Variants in THSD4 observed in about 807,000 individuals in gnomAD.
THSD4 encodes thrombospondin type 1 domain containing 4.
THSD4 carries 69 observed loss-of-function variants against 119.0 expected under a neutral mutation model. The observed-to-expected ratio is 0.58, with a 90% CI of 0.48 to 0.71. The LOEUF is 0.71. Ranked by LOEUF, THSD4 falls within the 30% of genes least tolerant of loss-of-function variation. The pLI is 0.00. For missense variants in THSD4, 1,393 were observed against 1,391.1 expected (o/e 1.00, Z -0.02); for synonymous variants, 524 against 540.4 (o/e 0.97, Z 0.42).
intron 7 of THSD4, among the ~76,000 whole-genome samples, chr15:71,574,731 T>C (rs2140904893): frequency 6.6e-6 from 1 of 152,174 alleles, no homozygotes; most frequent in African/African-American, 2.4e-5. Flanking sequence ...AAACATGAGG[T>C]CTTATATCTC....
chr15:71,501,179 GA>G (rs1193628849), intron 7 of THSD4, among the ~76,000 whole-genome samples: 1 of 151,866 alleles, frequency 6.6e-6, no homozygotes, highest in East Asian at 1.9e-4. Flanking sequence ...TGATGAGTGT[GA>G]AAAAAAATCC....
chr15:71,699,987 A>G (rs1309043484), intron 8 of THSD4, among the ~76,000 whole-genome samples: 3 of 152,226 alleles, frequency 2.0e-5, no homozygotes, highest in African/African-American at 7.2e-5. Context: ...AGGAAAGTCT[A>G]CTGGAATTCA....
intron 3 of THSD4, among the ~76,000 whole-genome samples, chr15:71,207,260 G>A (rs977715944): frequency 1.8e-4 from 27 of 152,166 alleles, no homozygotes; most frequent in Non-Finnish European, 5.9e-5. Context: ...TCTCCTGTGA[G>A]CCTCTGATTC....
Position 71,744,999 on chromosome 15 carries a change from T to C in THSD4, c.1907-107T>C. 2.8e-6 allele frequency: 4 copies of C among 1,437,068 alleles called. No individual in the cohort carries two copies. In the East Asian group the frequency reaches 9.3e-5, roughly 34 times the overall value. The allele number at this position is 1,437,068 out of a possible 1,614,324, so 89.0% of individuals were successfully genotyped here. A position where few individuals can be genotyped will look rare whatever the true frequency, so the allele number is the denominator to read the frequency against. ...ATGCATGTGTGAATTGTCCTCACTG[T>C]TTCTGTGCCCTCTCTTCATCAGCAC... On this transcript the variant is annotated intron_variant, in intron 11 of 17. Transcript: ENST00000261862.
At chr15:71,539,747 G>A (rs371284224) in intron 7 of THSD4, among the ~76,000 whole-genome samples, 9 of 152,178 alleles carry the variant, frequency 5.9e-5, no homozygotes, top group East Asian at 5.8e-4. Flanking sequence ...AAGACCTCCC[G>A]TCATAAGCAG....
At chr15:71,326,978 A>G (rs113490328) in intron 6 of THSD4, among the ~76,000 whole-genome samples, 8,015 of 151,058 alleles carry the variant, frequency 0.053, 216 homozygotes, top group Non-Finnish European at 0.063. Flanking sequence ...GACTAGCCTG[A>G]CCAACATGGT....
chr15:71,307,060 T>G (rs1175582653), intron 6 of THSD4, among the ~76,000 whole-genome samples: 1 of 152,186 alleles, frequency 6.6e-6, no homozygotes, highest in African/African-American at 2.4e-5. Context: ...GGGAAAACAC[T>G]TTCCTTCCAG....
At chr15:71,390,849 CTTTTTTTTTTT>C (rs1010882999) in intron 6 of THSD4, among the ~76,000 whole-genome samples, 2 of 90,880 alleles carry the variant, frequency 2.2e-5, no homozygotes, top group Admixed American at 1.4e-4. Flanking sequence ...TTGGCTAAAT[CTTTTTTTTTTT>C]TTTTTTTTTT....
chr15:71,569,595 C>G (rs1377077847), intron 7 of THSD4, among the ~76,000 whole-genome samples: 9 of 152,312 alleles, frequency 5.9e-5, no homozygotes, highest in African/African-American at 1.9e-4. Flanking sequence ...GGTGTCTAAA[C>G]TCCGTGCCTT....
At chr15:71,734,312 G>C (rs1179332990) in intron 10 of THSD4, among the ~76,000 whole-genome samples, 1 of 152,126 alleles carries the variant, frequency 6.6e-6, no homozygotes, top group Non-Finnish European at 1.5e-5. Flanking sequence ...ATATTATTTA[G>C]GGCTAGAAAT....
rs563476190 is a variant in THSD4 at position 71,460,305 on chromosome 15, GTTTTTTTTT to G, written c.1152+48496_1152+48504del. ...GTGGAGAAGAAATACAAGTTGCCTG[GTTTTTTTTT>G]TTTTTTTTTTTTTGAAAGCATGCCA... On this transcript the variant is annotated intron_variant, in intron 7 of 17. Coordinates refer to ENST00000261862, the MANE Select transcript of THSD4 (RefSeq NM_024817.3). Among the ~76,000 whole-genome samples, 16 of 122,590 alleles carry G rather than the reference GTTTTTTTTT, an allele frequency of 1.3e-4. 1 individual carries two copies. The highest frequency in any genetic ancestry group is 8.6e-4 in the Admixed American group (10 of 11,588). The allele number at this position is 122,590 out of a possible 152,430, so 80.4% of individuals were successfully genotyped here. A position where few individuals can be genotyped will look rare whatever the true frequency, so the allele number is the denominator to read the frequency against.
chr15:71,280,485 A>G (rs2044638446), intron 6 of THSD4, among the ~76,000 whole-genome samples: 1 of 152,218 alleles, frequency 6.6e-6, no homozygotes, highest in African/African-American at 2.4e-5. Context: ...GTTTTCAAAT[A>G]TGTTCTGAAA....
chr15:71,592,744 A>G (rs1421933360), intron 7 of THSD4, among the ~76,000 whole-genome samples: 1 of 152,056 alleles, frequency 6.6e-6, no homozygotes, highest in Non-Finnish European at 1.5e-5. Flanking sequence ...GGTTGAGAAC[A>G]GCATGCATTA....
chr15:71,719,305 A>G (rs950936451), intron 8 of THSD4, among the ~76,000 whole-genome samples: 1 of 152,208 alleles, frequency 6.6e-6, no homozygotes, highest in Non-Finnish European at 1.5e-5. Flanking sequence ...AGAAACTCAC[A>G]CAGGTTTGAG....
At chr15:71,694,623 C>A (rs1264611279) in intron 8 of THSD4, among the ~76,000 whole-genome samples, 1 of 152,100 alleles carries the variant, frequency 6.6e-6, no homozygotes. Context: ...TGCTTCCAAA[C>A]AAAAGAACTG....
At chr15:71,302,561 G>A (rs1380010942) in intron 6 of THSD4, among the ~76,000 whole-genome samples, 1 of 152,110 alleles carries the variant, frequency 6.6e-6, no homozygotes, top group Non-Finnish European at 1.5e-5. Flanking sequence ...TTTTCCAAGT[G>A]GAATGGTTTT....
At chr15:71,246,964 A>G (rs112994920) in intron 5 of THSD4, among the ~76,000 whole-genome samples, 43 of 140,468 alleles carry the variant, frequency 3.1e-4, no homozygotes, top group South Asian at 1.1e-3. Context: ...ATCTCAGGTC[A>G]CTACAACCTC....
intron 7 of THSD4, among the ~76,000 whole-genome samples, chr15:71,584,452 A>G (rs2049624729): frequency 7.2e-6 from 1 of 139,330 alleles, no homozygotes; most frequent in South Asian, 2.4e-4. Flanking sequence ...TATTTTTAGT[A>G]GAGACAGGGT....
intron 7 of THSD4, among the ~76,000 whole-genome samples, chr15:71,555,363 A>G (rs1347822982): frequency 2.6e-5 from 4 of 152,224 alleles, no homozygotes; most frequent in Non-Finnish European, 4.4e-5. Flanking sequence ...ATAAAATGGT[A>G]TCAGTGTATG....
Sources: allele counts gnomAD v4.1 joint callset (sites outside exome capture counted in the v4.1 genomes callset), GRCh38; gene constraint gnomAD v4.1.1; transcripts MANE v1.5; gene names NCBI Gene and HGNC (gene_info 2026-07-23, HGNC 2026-07-21).